FMN1: variants seen among roughly 807,000 people sequenced by gnomAD.
FMN1 encodes formin-1.
A neutral mutation model predicts 132.4 loss-of-function variants in FMN1; 110 were observed. That is an observed-to-expected ratio of 0.83 (90% CI 0.71 to 0.97). The LOEUF (loss-of-function observed/expected upper bound fraction) is 0.97, where lower values mean the gene tolerates loss of function less well. FMN1 is among the 50% of genes least tolerant of loss of function. The probability of loss-of-function intolerance (pLI) is 0.00; values close to 1 mark genes in which losing one functional copy is unlikely to be tolerated. For missense variants in FMN1, 1,792 were observed against 1,705.3 expected, an observed-to-expected ratio of 1.05 and a Z score of -0.90; for synonymous variants, 722 against 651.7, an observed-to-expected ratio of 1.11 and a Z score of -1.64.
chr15:33,163,398 G>A (rs567914899), intron 3 of FMN1, among the ~76,000 whole-genome samples: 88 of 151,552 alleles, frequency 5.8e-4, no homozygotes, highest in Non-Finnish European at 1.2e-3. Flanking sequence ...GGATTCAAGC[G>A]ATTCTCCTGC....
intron 18 of FMN1, among the ~76,000 whole-genome samples, chr15:32,802,022 C>T (rs1379910306): frequency 6.6e-6 from 1 of 152,162 alleles, no homozygotes; most frequent in African/African-American, 2.4e-5. Context: ...TATTTAACAA[C>T]CAGGAGAATT....
rs576892938 is a variant in FMN1, at chr15:33,111,018, C to T, written c.1868-22044G>A. The stretch of plus-strand genomic sequence containing the variant: ...TGAAAAAGTGCTATGGAATTATAAA[C>T]TGCCATTCAAATGTTAGTTTTACAT... On this transcript the variant is annotated intron_variant, in intron 4 of 20. Transcript: ENST00000616417. 1.5e-3 allele frequency among the ~76,000 whole-genome samples: 229 copies of T among 152,220 alleles called. 1 individual carries two copies. The highest frequency in any genetic ancestry group is 2.7e-3 in the Non-Finnish European group (187 of 68,004).
chr15:33,090,112 G>A (rs1372435355), intron 4 of FMN1, among the ~76,000 whole-genome samples: 1 of 152,122 alleles, frequency 6.6e-6, no homozygotes, highest in Non-Finnish European at 1.5e-5. Context: ...TTTAATTCCT[G>A]GTAAGCAACC....
intron 9 of FMN1, 28 bp downstream of exon 9, chr15:32,964,079 T>C: frequency 6.7e-7 from 1 of 1,501,766 alleles, no homozygotes; most frequent in Non-Finnish European, 9.2e-7. Context: ...TAATATATAA[T>C]TACAGCTTTG....
chr15:32,801,038 T>C (rs1290221969), intron 18 of FMN1, among the ~76,000 whole-genome samples: 2 of 152,252 alleles, frequency 1.3e-5, no homozygotes, highest in African/African-American at 4.8e-5. Context: ...CAAAATATAG[T>C]GAAGTCCAGT....
At chr15:33,193,657 A>G (rs1438372359) in intron 2 of FMN1, among the ~76,000 whole-genome samples, 2 of 152,186 alleles carry the variant, frequency 1.3e-5, no homozygotes, top group African/African-American at 4.8e-5. Context: ...CATTCAGCCC[A>G]TTCGGAGTGT....
intron 6 of FMN1, among the ~76,000 whole-genome samples, chr15:33,014,847 G>A (rs1023816839): frequency 6.6e-6 from 1 of 152,188 alleles, no homozygotes; most frequent in Non-Finnish European, 1.5e-5. Context: ...CACAAACACA[G>A]AAGGCATGCA....
At chr15:33,151,162 C>A in intron 4 of FMN1, 1 of 1,479,118 alleles carries the variant, frequency 6.8e-7, no homozygotes, top group Non-Finnish European at 8.9e-7. Context: ...AACTCCCTCC[C>A]TCATGCCTTT....
intron 6 of FMN1, among the ~76,000 whole-genome samples, chr15:33,020,814 A>G (rs1211555730): frequency 6.6e-6 from 1 of 152,184 alleles, no homozygotes; most frequent in East Asian, 1.9e-4. Flanking sequence ...AACTTTTGGC[A>G]TTTATATTCC....
At chr15:33,139,316 G>T (rs1054879444) in intron 4 of FMN1, among the ~76,000 whole-genome samples, 2 of 152,184 alleles carry the variant, frequency 1.3e-5, no homozygotes, top group East Asian at 3.9e-4. Flanking sequence ...GCTGTTGTTG[G>T]CCGGGCACGG....
intron 8 of FMN1, among the ~76,000 whole-genome samples, chr15:32,968,304 T>A: frequency 6.6e-6 from 1 of 152,244 alleles, no homozygotes; most frequent in East Asian, 1.9e-4. Flanking sequence ...GGGTTGATTA[T>A]AGTATTTAAA....
chr15:33,009,126 T>A (rs2034572906), intron 6 of FMN1, among the ~76,000 whole-genome samples: 1 of 152,214 alleles, frequency 6.6e-6, no homozygotes, highest in African/African-American at 2.4e-5. Flanking sequence ...GGTGCTCCAC[T>A]GAGCTGTGAA....
intron 4 of FMN1, among the ~76,000 whole-genome samples, chr15:33,131,897 A>G (rs1245193029): frequency 6.6e-6 from 1 of 152,224 alleles, no homozygotes; most frequent in East Asian, 1.9e-4. Flanking sequence ...AAAGAAAGAT[A>G]CTAGTCTGAA....
chr15:33,128,131 G>C (rs1202767845), intron 4 of FMN1, among the ~76,000 whole-genome samples: 1 of 152,096 alleles, frequency 6.6e-6, no homozygotes, highest in Non-Finnish European at 1.5e-5. Context: ...CATGGTGATG[G>C]GAGCAGTAGA....
intron 8 of FMN1, 108 bp from the exon 9 acceptor site, chr15:32,964,365 C>A: frequency 1.2e-6 from 1 of 804,346 alleles, no homozygotes; most frequent in Non-Finnish European, 1.9e-6. Context: ...TCTAAAAAAA[C>A]ACATAAAACT....
At chr15:33,099,914 G>A (rs1458020676) in intron 4 of FMN1, among the ~76,000 whole-genome samples, 1 of 152,164 alleles carries the variant, frequency 6.6e-6, no homozygotes, top group African/African-American at 2.4e-5. Context: ...ACAGCTGTGG[G>A]ACTCAAAAGA....
At chr15:32,838,104 A>C (rs2058668083) in intron 17 of FMN1, among the ~76,000 whole-genome samples, 2 of 152,182 alleles carry the variant, frequency 1.3e-5, no homozygotes, top group Admixed American at 1.3e-4. Context: ...GCACGTTCAC[A>C]ACAATGTTGG....
At chr15:33,193,812 T>G (rs749350445) in intron 2 of FMN1, 97 bp downstream of exon 2, 3 of 151,748 alleles carry the variant, frequency 2.0e-5, no homozygotes, top group Non-Finnish European at 4.4e-5. Context: ...TACTTGTTCT[T>G]GAGTTAAATG....
chr15:33,183,816 C>T (rs146041960), intron 2 of FMN1, among the ~76,000 whole-genome samples: 8 of 152,212 alleles, frequency 5.3e-5, no homozygotes, highest in Non-Finnish European at 1.2e-4. Context: ...ACATCTAATA[C>T]TCAGGAGGTG....
Sources: allele counts gnomAD v4.1 joint callset (sites outside exome capture counted in the v4.1 genomes callset), GRCh38; gene constraint gnomAD v4.1.1; transcripts MANE v1.5; gene names NCBI Gene and HGNC (gene_info 2026-07-23, HGNC 2026-07-21).